The following PTPRO variants were observed in gnomAD, a reference collection of about 807,000 sequenced individuals.
PTPRO encodes protein tyrosine phosphatase receptor type O, also known as receptor-type tyrosine-protein phosphatase O.
Under a neutral mutation model 145.2 loss-of-function variants are expected in PTPRO, and 62 were observed. That is an observed-to-expected ratio of 0.43 (90% CI 0.35 to 0.53). The LOEUF is 0.53. PTPRO is among the 20% of genes least tolerant of loss of function. The pLI is 0.01. For synonymous variants in PTPRO, 565 were observed against 514.7 expected, an observed-to-expected ratio of 1.10 and a Z score of -1.32; for missense variants, 1,345 against 1,482.7, an observed-to-expected ratio of 0.91 and a Z score of 1.53.
intron 10 of PTPRO, among the ~76,000 whole-genome samples, chr12:15,524,385 C>A (rs962710497): frequency 5.3e-5 from 8 of 152,230 alleles, no homozygotes; most frequent in East Asian, 3.9e-4. Flanking sequence ...CCATAAACAC[C>A]TTTGCTGCAA....
chr12:15,541,034 A>G (rs1298836682), intron 12 of PTPRO, among the ~76,000 whole-genome samples: 3 of 152,194 alleles, frequency 2.0e-5, no homozygotes, highest in African/African-American at 7.2e-5. Flanking sequence ...CCCTATATCT[A>G]TACCTCATTT....
At chr12:15,530,293 A>T (rs911910199) in intron 12 of PTPRO, among the ~76,000 whole-genome samples, 9 of 152,144 alleles carry the variant, frequency 5.9e-5, no homozygotes, top group African/African-American at 2.2e-4. Flanking sequence ...GGACTTCAAC[A>T]CCCCACTCTC....
At chr12:15,482,708 T>A (rs962396082) in intron 1 of PTPRO, among the ~76,000 whole-genome samples, 1 of 152,140 alleles carries the variant, frequency 6.6e-6, no homozygotes, top group African/African-American at 2.4e-5. Context: ...ATTGAGTAAT[T>A]TGTTAGAGGC....
intron 25 of PTPRO, among the ~76,000 whole-genome samples, chr12:15,590,366 AGCCATACTC>A (rs1944521944): frequency 6.6e-6 from 1 of 152,180 alleles, no homozygotes; most frequent in African/African-American, 2.4e-5. Context: ...CTCATCACCC[AGCCATACTC>A]GCGACTTCTT....
intron 19 of PTPRO, among the ~76,000 whole-genome samples, chr12:15,576,298 G>A (rs558593219): frequency 6.6e-6 from 1 of 152,284 alleles, no homozygotes; most frequent in South Asian, 2.1e-4. Flanking sequence ...GTGTTTACAT[G>A]CAGTTCCCAC....
chr12:15,463,437 C>T (rs892553173), intron 1 of PTPRO, among the ~76,000 whole-genome samples: 2 of 152,018 alleles, frequency 1.3e-5, no homozygotes, highest in East Asian at 1.9e-4. Flanking sequence ...AATGCATTCT[C>T]TGCAAATCAG....
intron 1 of PTPRO, among the ~76,000 whole-genome samples, chr12:15,372,651 T>C (rs1938564488): frequency 6.6e-6 from 1 of 152,144 alleles, no homozygotes; most frequent in African/African-American, 2.4e-5. Context: ...TGCCTGCAAG[T>C]GAAATACCAC....
In PTPRO at chr12:15,484,067, G is replaced by A. The variant is rs748319769; in HGVS notation, c.169G>A (p.Val57Ile). The change falls in exon 2 of 27, where the codon GTT (valine) becomes ATT (isoleucine). Residue 57 changes from valine to isoleucine, a missense_variant. By Grantham distance (29) the Val-to-Ile change is conservative. Around this residue, in one of 3 missense-constraint regions of PTPRO, gnomAD observed 1,130 missense variants for 1,214.7 expected, o/e 0.93. Coordinates refer to ENST00000281171, the MANE Select transcript of PTPRO (RefSeq NM_030667.3). ...CGTCATCAGTCCAGCATCTGTGTAT[G>A]TTGTGAAGATAACTGGTGAATCCAA... ...SDVISPASVY[V>I]VKITGESKNY... is the part of the protein sequence containing the mutation. 6.2e-7 allele frequency: 1 copy of A among 1,613,706 alleles called. No homozygotes were observed. The highest frequency in any genetic ancestry group is 8.5e-7 in the Non-Finnish European group (1 of 1,179,806).
chr12:15,501,646 G>A lies in PTPRO; in HGVS notation c.688G>A (p.Val230Ile), dbSNP rs1435925550. 6 of 1,613,592 alleles carry A rather than the reference G, an allele frequency of 3.7e-6. No homozygotes were observed. Among genetic ancestry groups the A allele is most frequent in the African/African-American group, 1.3e-5 (1 of 74,834 alleles). Residue 230 changes from valine to isoleucine, a missense_variant, in exon 5 of 27, where the codon GTT becomes ATT. Val to Ile is a conservative substitution (Grantham distance 29). This residue lies in a region of PTPRO where 1,130 missense variants were observed against 1,214.7 expected (regional missense o/e 0.93). Transcript: ENST00000281171. Reference sequence around the variant, plus strand: ...CCCTTATCCACCTCAAAATATTTCCGTTCGTATCGTAAACTTGAACAAAAA... The same window carrying A: ...CCCTTATCCACCTCAAAATATTTCCATTCGTATCGTAAACTTGAACAAAAA... Reference protein sequence around the residue: ...TAPYPPQNISVRIVNLNKNNW... With the variant: ...TAPYPPQNISIRIVNLNKNNW...
chr12:15,570,616 AC>A (rs1196479184), intron 19 of PTPRO, among the ~76,000 whole-genome samples: 1 of 152,194 alleles, frequency 6.6e-6, no homozygotes, highest in Non-Finnish European at 1.5e-5. Flanking sequence ...TAGATGCTAC[AC>A]CAAATGCTAT....
intron 1 of PTPRO, among the ~76,000 whole-genome samples, chr12:15,395,059 G>A (rs1939298633): frequency 6.6e-6 from 1 of 152,072 alleles, no homozygotes; most frequent in African/African-American, 2.4e-5. Flanking sequence ...AACAAACCTA[G>A]GAAAGAAAAT....
At chr12:15,483,058 T>C (rs1009583842) in intron 1 of PTPRO, among the ~76,000 whole-genome samples, 2 of 152,108 alleles carry the variant, frequency 1.3e-5, no homozygotes, top group African/African-American at 4.8e-5. Context: ...TTAACAAGTT[T>C]CAGCAATTTT....
intron 1 of PTPRO, among the ~76,000 whole-genome samples, chr12:15,451,447 C>A (rs10128916): frequency 0.28 from 42,754 of 151,796 alleles, 6,535 homozygotes; most frequent in South Asian, 0.43. Flanking sequence ...TAAGACAGAA[C>A]GTCAACAAAG....
chr12:15,577,391 TTGATTAA>T (rs889453263), intron 19 of PTPRO, among the ~76,000 whole-genome samples: 2 of 152,176 alleles, frequency 1.3e-5, no homozygotes, highest in Admixed American at 6.5e-5. Flanking sequence ...ACCCAATAAC[TTGATTAA>T]TAAAGCATGT....
In PTPRO at chr12:15,580,679, T is replaced by A; in HGVS notation, c.2998-18T>A. On this transcript the variant is annotated intron_variant, in intron 21 of 26. Transcript: ENST00000281171. ...GACAGTGTCTGGTTAGGTGATAATT[T>A]TGTCACTTATCTTTCAGGGATACAA... 1 of 1,614,052 alleles carries A rather than the reference T, an allele frequency of 6.2e-7. No individual in the cohort carries two copies. The highest frequency in any genetic ancestry group is 8.5e-7 in the Non-Finnish European group (1 of 1,179,940).
chr12:15,493,063 A>T (rs1004548073), intron 2 of PTPRO, among the ~76,000 whole-genome samples: 10 of 152,208 alleles, frequency 6.6e-5, no homozygotes, highest in African/African-American at 1.9e-4. Context: ...ACTAAGGCTG[A>T]ATGAAAATAG....
intron 1 of PTPRO, among the ~76,000 whole-genome samples, chr12:15,382,485 G>A (rs1463390177): frequency 2.0e-5 from 3 of 152,196 alleles, no homozygotes. Flanking sequence ...TCAAAGCACA[G>A]GCTGTGGAGA....
At chr12:15,571,976 T>C (rs1186370830) in intron 19 of PTPRO, among the ~76,000 whole-genome samples, 1 of 152,240 alleles carries the variant, frequency 6.6e-6, no homozygotes. Flanking sequence ...GCTGAGGGCT[T>C]TTATTCATTC....
chr12:15,417,680 A>T (rs1940020605), intron 1 of PTPRO, among the ~76,000 whole-genome samples: 1 of 151,716 alleles, frequency 6.6e-6, no homozygotes, highest in Admixed American at 6.6e-5. Flanking sequence ...TTAAGTATTG[A>T]TCACACTCCA....
Sources: allele counts gnomAD v4.1 joint callset (sites outside exome capture counted in the v4.1 genomes callset), GRCh38; gene constraint gnomAD v4.1.1; regional missense constraint gnomAD v4.1.1; transcripts MANE v1.5; gene names NCBI Gene and HGNC (gene_info 2026-07-23, HGNC 2026-07-21).